The following TDRD6 variants were observed in gnomAD, a reference collection of about 807,000 sequenced individuals.
TDRD6 encodes tudor domain containing 6, also known as tudor domain-containing protein 6.
TDRD6 carries 186 observed loss-of-function variants against 157.5 expected under a neutral mutation model. That is an observed-to-expected ratio of 1.18 (90% CI 1.05 to 1.33). The LOEUF (loss-of-function observed/expected upper bound fraction) is 1.33. Ranked by LOEUF, TDRD6 falls within the 40% of genes most tolerant of loss-of-function variation. The pLI, the probability that TDRD6 is intolerant of heterozygous loss-of-function variation, is 0.00. For missense variants in TDRD6, 3,066 were observed against 2,508.0 expected, an observed-to-expected ratio of 1.22 and a Z score of -4.75; for synonymous variants, 1,075 against 945.2, an observed-to-expected ratio of 1.14 and a Z score of -2.52.
rs760607205 is a variant in TDRD6, at chr6:46,688,600, C to T, written c.472C>T (p.Leu158Phe). The change falls in exon 1 of 4, where the codon CTT becomes TTT. Residue 158 changes from leucine to phenylalanine, a missense_variant. By Grantham distance (22) the Leu-to-Phe change is conservative. Transcript: ENST00000316081. ...CTGGCCCGCCGACGCCGTGGACTTC[C>T]TTAGCAACCTTCAGGGCAAGGAGGT... ...QHWPADAVDF[L>F]SNLQGKEVHG... The T allele has an allele frequency of 1.3e-5, 21 of 1,598,910 alleles. No homozygotes were observed. The highest frequency in any genetic ancestry group is 1.4e-5 in the Non-Finnish European group (17 of 1,179,760).
chr6:46,693,565 A>G lies in TDRD6; in HGVS notation c.5437A>G (p.Ile1813Val). ...DKAEFDDKYL[I>V]TGFNTLLPHA... ...AGCAGAGTTTGATGATAAATACCTGATTACAGGATTTAACACATTACTACC... is the reference window on the plus strand; with the variant it reads ...AGCAGAGTTTGATGATAAATACCTGGTTACAGGATTTAACACATTACTACC... The change falls in exon 1 of 4, where the codon ATT (isoleucine) becomes GTT (valine). Residue 1813 changes from isoleucine (I) to valine (V), a missense_variant. Transcript: ENST00000316081. 1 of 1,614,218 alleles carries G rather than the reference A, an allele frequency of 6.2e-7. No individual in the cohort carries two copies. The highest frequency in any genetic ancestry group is 1.3e-5 in the African/African-American group (1 of 75,064).
chr6:46,690,550 T>C lies in TDRD6; in HGVS notation c.2422T>C (p.Tyr808His). 6.2e-7 allele frequency: 1 copy of C among 1,614,222 alleles called. No individual in the cohort carries two copies. The highest frequency in any genetic ancestry group is 8.5e-7 in the Non-Finnish European group (1 of 1,180,040). ...LKTLMSDIQY[Y>H]CKNTAAPHQR... Reference sequence around the variant, plus strand: ...AACTCTAATGTCTGATATTCAGTACTATTGCAAAAATACAGCTGCTCCTCA... The same window carrying C: ...AACTCTAATGTCTGATATTCAGTACCATTGCAAAAATACAGCTGCTCCTCA... Residue 808 changes from tyrosine to histidine, a missense_variant, in exon 1 of 4, where the codon TAT becomes CAT. Tyr to His is a moderately conservative substitution (Grantham distance 83). Coordinates refer to ENST00000316081, the MANE Select transcript of TDRD6 (RefSeq NM_001010870.3).
Position 46,693,296 on chromosome 6 carries a change from AC to A in TDRD6, c.5169del (p.Tyr1723Ter). The A allele has an allele frequency of 6.2e-7, 1 of 1,611,736 alleles. No individual in the cohort carries two copies. The highest frequency in any genetic ancestry group is 1.1e-5 in the South Asian group (1 of 90,658). ...GAGATAAAGCAGACTCTTGGGTCCT[AC>A]AATCTTGATGTAGGACTTAAGAAAT... ...DSEIKQTLGS[Y>X]NLDVGLKKLS... is the part of the protein sequence containing the mutation. On this transcript the variant is annotated frameshift_variant, in exon 1 of 4. Transcript: ENST00000316081. LOFTEE classifies it high-confidence loss of function.
At chr6:46,686,130 A>G (rs981072513), upstream of TDRD6, among the ~76,000 whole-genome samples, 1 of 152,248 alleles carries the variant, frequency 6.6e-6, no homozygotes, top group African/African-American at 2.4e-5. Flanking sequence ...AGGTTGGAGG[A>G]CAAATGAAAT....
chr6:46,680,375 T>C, the TDRD6 span, among the ~76,000 whole-genome samples: 1 of 151,948 alleles, frequency 6.6e-6, no homozygotes, highest in African/African-American at 2.4e-5. Flanking sequence ...TCTAGAATCT[T>C]AACCTGTGTA....
At position 46,689,384 on chromosome 6, in the gene TDRD6, A is replaced by G. The variant is rs148932695; in HGVS notation, c.1256A>G (p.Tyr419Cys). The G allele has an allele frequency of 1.2e-4, 196 of 1,613,906 alleles. No individual in the cohort carries two copies. In the East Asian group the frequency reaches 3.9e-3, roughly 32 times the overall value. Residue 419 changes from tyrosine (Y) to cysteine (C), a missense_variant, in exon 1 of 4, where the codon TAT (tyrosine) becomes TGT (cysteine). Coordinates refer to ENST00000316081, the MANE Select transcript of TDRD6 (RefSeq NM_001010870.3). ...TTTTATTGCTCCTTTGAGCATGTGT[A>G]TTATGTCAGCCTGTATGGAGAAGAT... ...IEFYCSFEHVYYVSLYGEDGI... is the reference protein window; with the variant it reads ...IEFYCSFEHVCYVSLYGEDGI...
In TDRD6 at chr6:46,703,851, C is replaced by T. The variant is rs564116426; in HGVS notation, c.*1964C>T. The T allele has an allele frequency of 6.6e-6, 1 of 152,196 alleles. No individual in the cohort carries two copies. The highest frequency in any genetic ancestry group is 2.4e-5 in the African/African-American group (1 of 41,528). 9.4% of individuals were successfully genotyped at this position (152,196 alleles called of 1,614,324 possible). A position where few individuals can be genotyped will look rare whatever the true frequency, so the allele number is the denominator to read the frequency against. On this transcript the variant is annotated 3_prime_UTR_variant, in exon 4 of 4. Transcript: ENST00000316081. ...GGAATCCCTGCTATATGCTGTAATA[C>T]CTGTGGAACCTTTCTTTAGCAAGTA...
intron 3 of TDRD6, among the ~76,000 whole-genome samples, chr6:46,700,210 G>C (rs1023700258): frequency 4.6e-5 from 7 of 152,120 alleles, no homozygotes; most frequent in Non-Finnish European, 8.8e-5. Flanking sequence ...ATTTAAAGTA[G>C]ACATAAAATT....
chr6:46,683,630 T>TA (rs1341132789), upstream of TDRD6, among the ~76,000 whole-genome samples: 2 of 152,202 alleles, frequency 1.3e-5, no homozygotes, highest in South Asian at 2.1e-4. Context: ...ACCAAATTTT[T>TA]AAAAAACCTA....
the TDRD6 span, among the ~76,000 whole-genome samples, chr6:46,680,578 A>G: frequency 6.6e-6 from 1 of 152,188 alleles, no homozygotes; most frequent in Non-Finnish European, 1.5e-5. Flanking sequence ...AGGGAAGCAC[A>G]GTCGTCTTCC....
At position 46,691,779 on chromosome 6, in the gene TDRD6, C is replaced by G. The variant is rs766690499; in HGVS notation, c.3651C>G (p.Ile1217Met). The G allele has an allele frequency of 4.4e-6, 7 of 1,599,706 alleles. No homozygotes were observed. In the South Asian group the frequency reaches 7.9e-5, roughly 18 times the overall value. Residue 1217 changes from isoleucine (I) to methionine (M), a missense_variant, in exon 1 of 4, where the codon ATC becomes ATG. By Grantham distance (10) the Ile-to-Met change is conservative (BLOSUM62 1). Coordinates refer to ENST00000316081, the MANE Select transcript of TDRD6 (RefSeq NM_001010870.3). The stretch of plus-strand genomic sequence containing the variant: ...TGGAAGAGTCATATAAACCTCAGAT[C>G]AACTCATCATACAAGGAACTCAAAC... ...EILEESYKPQ[I>M]NSSYKELKLL... is the part of the protein sequence containing the mutation.
Position 46,688,133 on chromosome 6 carries a change from G to C in TDRD6, c.5G>C (p.Cys2Ser), listed in dbSNP as rs1443712157. M[C>S]STPGMPAPGA... ...GGGCCGCGCCGCGCCGTCAAGATGT[G>C]CTCGACGCCCGGAATGCCGGCGCCG... is the stretch of plus-strand genomic sequence containing the variant. The change falls in exon 1 of 4, where the codon TGC (cysteine) becomes TCC (serine). Residue 2 changes from cysteine to serine, a missense_variant. Cys to Ser is a moderately radical substitution (Grantham distance 112, BLOSUM62 -1). Coordinates refer to ENST00000316081, the MANE Select transcript of TDRD6 (RefSeq NM_001010870.3). 3 of 1,534,460 alleles carry C rather than the reference G, an allele frequency of 2.0e-6. No homozygotes were observed. Among genetic ancestry groups the C allele is most frequent in the Admixed American group, 2.0e-5 (1 of 50,480 alleles).
Position 46,693,422 on chromosome 6 carries a change from C to G in TDRD6, c.5294C>G (p.Pro1765Arg), listed in dbSNP as rs145724304. 23 of 1,613,886 alleles carry G rather than the reference C, an allele frequency of 1.4e-5. No individual in the cohort carries two copies. In the African/African-American group the frequency reaches 2.0e-4, roughly 14 times the overall value. The change falls in exon 1 of 4, where the codon CCA becomes CGA. Residue 1765 changes from proline to arginine, a missense_variant. By Grantham distance (103) the Pro-to-Arg change is moderately radical. Coordinates refer to ENST00000316081, the MANE Select transcript of TDRD6 (RefSeq NM_001010870.3). ...EKDVNIIGTK[P>R]SNFRDPKTDN... ...GATGTAAACATTATTGGAACCAAAC[C>G]AAGTAACTTCCGTGACCCTAAAACT...
upstream of TDRD6, among the ~76,000 whole-genome samples, chr6:46,685,843 T>C (rs1476282489): frequency 6.6e-6 from 1 of 152,232 alleles, no homozygotes; most frequent in Non-Finnish European, 1.5e-5. Context: ...GGAAAGTTTA[T>C]TTATTATAAA....
In TDRD6 at chr6:46,690,027, T is replaced by G; in HGVS notation, c.1899T>G (p.Ile633Met). ...TCCACAAAGAATTAGTCATCCATAT[T>G]CTTGATAAACAGGATCATCAATATG... is the stretch of plus-strand genomic sequence containing the variant. The part of the protein sequence containing the change: ...TVLHKELVIH[I>M]LDKQDHQYVI... Residue 633 changes from isoleucine to methionine, a missense_variant, in exon 1 of 4, where the codon ATT becomes ATG. Coordinates refer to ENST00000316081, the MANE Select transcript of TDRD6 (RefSeq NM_001010870.3). 1 of 1,614,020 alleles carries G rather than the reference T, an allele frequency of 6.2e-7. No homozygotes were observed. The highest frequency in any genetic ancestry group is 8.5e-7 in the Non-Finnish European group (1 of 1,179,966).
upstream of TDRD6, among the ~76,000 whole-genome samples, chr6:46,685,200 T>G (rs925770045): frequency 6.6e-6 from 1 of 151,682 alleles, no homozygotes. Context: ...ATGTCAGACG[T>G]GTGGTTTGCA....
chr6:46,691,680 T>C lies in TDRD6; in HGVS notation c.3552T>C (p.Asn1184=), dbSNP rs750541035. ...CAACTGAAACTCTTGAAGAAAAAAA[T>C]GAGAATATGAAGTTGCCATGTACAG... ...CSTTETLEEK[N]ENMKLPCTEY... is the part of the protein sequence containing the mutation. The change falls in exon 1 of 4, where the codon AAT becomes AAC. Residue 1184 remains asparagine (N), a synonymous_variant. Transcript: ENST00000316081. 6.2e-7 allele frequency: 1 copy of C among 1,611,946 alleles called. No homozygotes were observed. The highest frequency in any genetic ancestry group is 8.5e-7 in the Non-Finnish European group (1 of 1,179,412).
chr6:46,689,505 A>G lies in TDRD6; in HGVS notation c.1377A>G (p.Thr459=), dbSNP rs771215293. 3.1e-6 allele frequency: 5 copies of G among 1,614,020 alleles called. No individual in the cohort carries two copies. The highest frequency in any genetic ancestry group is 4.2e-6 in the Non-Finnish European group (5 of 1,180,032). ...SQATEEEEPE[T]SQSQSPAEEV... ...CAACAGAGGAGGAGGAACCAGAAAC[A>G]TCTCAGTCTCAGTCTCCTGCTGAAG... The change falls in exon 1 of 4, where the codon ACA becomes ACG. Residue 459 remains threonine, a synonymous_variant. Coordinates refer to ENST00000316081, the MANE Select transcript of TDRD6 (RefSeq NM_001010870.3).
chr6:46,691,697 C>T lies in TDRD6; in HGVS notation c.3569C>T (p.Pro1190Leu). ...LEEKNENMKL[P>L]CTEYLSKSVG... Reference sequence around the variant, plus strand: ...GAAAAAAATGAGAATATGAAGTTGCCATGTACAGAGTATTTAAGTAAATCA... The same window carrying T: ...GAAAAAAATGAGAATATGAAGTTGCTATGTACAGAGTATTTAAGTAAATCA... Residue 1190 changes from proline (P) to leucine (L), a missense_variant, in exon 1 of 4, where the codon CCA becomes CTA. Physicochemically the swap from Pro to Leu is moderately conservative, Grantham distance 98. Coordinates refer to ENST00000316081, the MANE Select transcript of TDRD6 (RefSeq NM_001010870.3). 6.8e-6 allele frequency: 11 copies of T among 1,610,936 alleles called. No individual in the cohort carries two copies. The highest frequency in any genetic ancestry group is 9.3e-6 in the Non-Finnish European group (11 of 1,179,142).
Sources: gnomAD v4.1 joint callset for allele counts (sites outside exome capture counted in the v4.1 genomes callset) on GRCh38, gnomAD v4.1.1 for gene constraint, MANE v1.5 for transcripts, NCBI Gene and HGNC (gene_info 2026-07-23, HGNC 2026-07-21) for gene names.